Variants in AHCY observed in about 807,000 individuals in gnomAD.
AHCY encodes the protein adenosylhomocysteinase.
In AHCY, 24 loss-of-function variants were observed where a neutral mutation model predicts 45.4. The ratio of observed to expected loss-of-function variants is 0.53; its 90% CI spans 0.38 to 0.74. The LOEUF is 0.74. Ranked by LOEUF, AHCY falls within the 30% of genes least tolerant of loss-of-function variation. AHCY has a pLI of 0.00. For missense variants in AHCY, 449 were observed against 594.1 expected (o/e 0.76, Z 2.54); for synonymous variants, 245 against 235.1 (o/e 1.04, Z -0.39).
chr20:34,280,711 A>G lies in AHCY; in HGVS notation c.*323T>C. The G allele has an allele frequency of 2.4e-6, 1 of 411,972 alleles. No homozygotes were observed. Among genetic ancestry groups the G allele is most frequent in the Admixed American group, 3.6e-5 (1 of 27,914 alleles). The allele number at this position is 411,972 out of a possible 1,614,324, so 25.5% of individuals were successfully genotyped here. On this transcript the variant is annotated 3_prime_UTR_variant, in exon 10 of 10. Transcript: ENST00000217426. ...CAGGTGAAGGCCTAGATGGCAAAAC[A>G]CATGGGCTTTGTGACTCCACTACTG...
At chr20:34,258,700 A>ATATATATATACACACACATAC in the AHCY span, among the ~76,000 whole-genome samples, 6 of 77,922 alleles carry the variant, frequency 7.7e-5, 2 homozygotes, top group African/African-American at 2.3e-4. Context: ...TACATACTAT[A>ATATATATATACACACACATAC]TATATATATT....
upstream of AHCY, among the ~76,000 whole-genome samples, chr20:34,305,678 G>A (rs2036888450): frequency 6.6e-6 from 1 of 152,174 alleles, no homozygotes; most frequent in Non-Finnish European, 1.5e-5. Context: ...CAAACAAGTA[G>A]AAAAGGACAC....
intron 9 of AHCY, among the ~76,000 whole-genome samples, chr20:34,282,155 T>C (rs375391558): frequency 1.3e-5 from 2 of 151,998 alleles, no homozygotes; most frequent in South Asian, 2.1e-4. Flanking sequence ...GCAGAAGTGA[T>C]GGTGTGTGAC....
the AHCY span, among the ~76,000 whole-genome samples, chr20:34,236,591 C>T: frequency 6.6e-6 from 1 of 152,152 alleles, no homozygotes; most frequent in Non-Finnish European, 1.5e-5. Flanking sequence ...TGGCTCACGC[C>T]TGTAATCCTA....
chr20:34,236,096 A>C, the AHCY span, among the ~76,000 whole-genome samples: 1 of 146,188 alleles, frequency 6.8e-6, no homozygotes, highest in Non-Finnish European at 1.5e-5. Context: ...GAAGGAAGGA[A>C]GGAGAAAGAA....
At chr20:34,272,724 AAAT>A in the AHCY span, among the ~76,000 whole-genome samples, 1 of 152,270 alleles carries the variant, frequency 6.6e-6, no homozygotes, top group Admixed American at 6.5e-5. Flanking sequence ...CCATCTCTAT[AAAT>A]AATAAAATTA....
At chr20:34,301,375 C>T (rs2036766862) in intron 1 of AHCY, among the ~76,000 whole-genome samples, 1 of 152,132 alleles carries the variant, frequency 6.6e-6, no homozygotes, top group Admixed American at 6.5e-5. Context: ...TTCCCTGGGA[C>T]CCTCAACTCC....
At chr20:34,305,752 T>C (rs548389512), upstream of AHCY, among the ~76,000 whole-genome samples, 19 of 152,188 alleles carry the variant, frequency 1.2e-4, no homozygotes, top group South Asian at 6.2e-4. Context: ...AGGAATGTAA[T>C]AAAATTTGAG....
rs1300024414 is a variant in AHCY at position 34,291,405 on chromosome 20, G to A, written c.558+14C>T. ...AGCCACTGTAGCGGGAGCTGTCACT[G>A]CCCCTCGGCTCACCTTGGTGACGGA... On this transcript the variant is annotated intron_variant, in intron 5 of 9. Transcript: ENST00000217426. 4 of 1,608,324 alleles carry A rather than the reference G, an allele frequency of 2.5e-6. No homozygotes were observed. The African/African-American group carries it at 5.3e-5, about 22-fold the overall frequency.
chr20:34,263,667 T>C, the AHCY span, among the ~76,000 whole-genome samples: 2 of 151,376 alleles, frequency 1.3e-5, no homozygotes, highest in Non-Finnish European at 1.5e-5. Flanking sequence ...ATGTCTTTTT[T>C]TTTTTTTCTT....
At chr20:34,284,650 G>A (rs550341356) in intron 9 of AHCY, among the ~76,000 whole-genome samples, 59 of 152,092 alleles carry the variant, frequency 3.9e-4, no homozygotes, top group Admixed American at 3.1e-3. Context: ...GCAAAACCCC[G>A]TCTCTACTAA....
chr20:34,256,596 C>G, the AHCY span, among the ~76,000 whole-genome samples: 1 of 152,160 alleles, frequency 6.6e-6, no homozygotes, highest in Non-Finnish European at 1.5e-5. Context: ...AGCCACCATG[C>G]CTGGCCTCTT....
the AHCY span, among the ~76,000 whole-genome samples, chr20:34,263,604 C>G: frequency 6.8e-6 from 1 of 146,654 alleles, no homozygotes; most frequent in African/African-American, 2.7e-5. Flanking sequence ...ATGCAGTTGA[C>G]TCTTGAACAC....
intron 1 of AHCY, among the ~76,000 whole-genome samples, chr20:34,298,440 C>A (rs1212572247): frequency 3.3e-5 from 5 of 152,008 alleles, no homozygotes; most frequent in Non-Finnish European, 7.4e-5. Flanking sequence ...GACAAGAGTG[C>A]GAGCCTTCTG....
At chr20:34,292,659 C>A in intron 3 of AHCY, 152 bp from the exon 4 acceptor site, 1 of 1,146,884 alleles carries the variant, frequency 8.7e-7, no homozygotes. Flanking sequence ...CAGGACACAA[C>A]TTGGAGCCAG....
chr20:34,244,787 G>A, the AHCY span, among the ~76,000 whole-genome samples: 2 of 152,064 alleles, frequency 1.3e-5, no homozygotes, highest in African/African-American at 4.8e-5. Flanking sequence ...AGAATAGCTC[G>A]AACAACTCCT....
chr20:34,250,066 G>A, the AHCY span: 1 of 152,320 alleles, frequency 6.6e-6, no homozygotes, highest in Non-Finnish European at 1.5e-5. Flanking sequence ...TTCTTGATCT[G>A]TGTTCACTGT....
At chr20:34,259,031 C>T in the AHCY span, among the ~76,000 whole-genome samples, 13 of 148,602 alleles carry the variant, frequency 8.7e-5, no homozygotes, top group African/African-American at 3.0e-4. Context: ...AGTGAGCCTT[C>T]ATCCCTACAA....
Position 34,295,428 on chromosome 20 carries a change from G to A in AHCY, c.186C>T (p.Val62=), listed in dbSNP as rs913616301. 9.3e-6 allele frequency: 15 copies of A among 1,613,994 alleles called. No homozygotes were observed. The highest frequency in any genetic ancestry group is 1.1e-5 in the Non-Finnish European group (13 of 1,179,998). The stretch of plus-strand genomic sequence containing the variant: ...CCAGGGTGACGAGGGTCTCAATGAG[G>A]ACGGCCGTCTCCACGGTCATGTGCA... The part of the protein sequence containing the change: ...GCLHMTVETA[V]LIETLVTLGA... The change falls in exon 2 of 10, where the codon GTC becomes GTT. Residue 62 remains valine (V), a synonymous_variant. Transcript: ENST00000217426.
Sources: gnomAD v4.1 joint callset for allele counts (sites outside exome capture counted in the v4.1 genomes callset) on GRCh38, gnomAD v4.1.1 for gene constraint, MANE v1.5 for transcripts, NCBI Gene and HGNC (gene_info 2026-07-23, HGNC 2026-07-21) for gene names.